Variants in MCM9 observed in about 807,000 individuals in gnomAD.
MCM9 encodes the protein DNA helicase MCM9.
A neutral mutation model predicts 72.8 loss-of-function variants in MCM9; 55 were observed. The observed-to-expected ratio is 0.76, with a 90% confidence interval of 0.61 to 0.95. MCM9 has a LOEUF of 0.95. Ranked by LOEUF, MCM9 falls within the 40% of genes least tolerant of loss-of-function variation. The probability of loss-of-function intolerance (pLI) is 0.00; values close to 1 mark genes in which losing one functional copy is unlikely to be tolerated. For synonymous variants in MCM9, 480 were observed against 503.4 expected, an observed-to-expected ratio of 0.95 and a Z score of 0.62; for missense variants, 1,279 against 1,377.0, an observed-to-expected ratio of 0.93 and a Z score of 1.13.
chr6:118,926,657 G>T (rs959233471), intron 3 of MCM9, among the ~76,000 whole-genome samples: 4 of 151,994 alleles, frequency 2.6e-5, no homozygotes, highest in Non-Finnish European at 4.4e-5. Context: ...TAGATATACC[G>T]TATTTTGTTT....
At chr6:118,894,609 T>A in intron 8 of MCM9, 3 of 1,192,576 alleles carry the variant, frequency 2.5e-6, no homozygotes, top group Non-Finnish European at 2.4e-6. Context: ...GCTGGGCGGC[T>A]GTGTTCGGCG....
chr6:118,915,101 G>A (rs1438815633), intron 6 of MCM9, among the ~76,000 whole-genome samples: 1 of 152,136 alleles, frequency 6.6e-6, no homozygotes, highest in Admixed American at 6.5e-5. Flanking sequence ...CTCACACTGT[G>A]GTCAACACAA....
At chr6:118,848,859 T>A (rs762002454) in intron 9 of MCM9, among the ~76,000 whole-genome samples, 3 of 152,090 alleles carry the variant, frequency 2.0e-5, no homozygotes, top group Non-Finnish European at 4.4e-5. Flanking sequence ...GAGGAGCAGG[T>A]TGCAGTGAGC....
At chr6:118,817,536 C>T (rs955066437) in intron 13 of MCM9, among the ~76,000 whole-genome samples, 2 of 152,106 alleles carry the variant, frequency 1.3e-5, no homozygotes, top group African/African-American at 4.8e-5. Context: ...TCCAGTGTAT[C>T]ATTGATGGGC....
Position 118,856,446 on chromosome 6 carries a change from T to C in MCM9, c.1250A>G (p.Asn417Ser), listed in dbSNP as rs769483924. The change falls in exon 9 of 14, where the codon AAT (asparagine) becomes AGT (serine). Residue 417 changes from asparagine to serine, a missense_variant. Coordinates refer to ENST00000619706, the MANE Select transcript of MCM9 (RefSeq NM_017696.3). ...GGTCCTATCATGCTCTTTGAGGCTA[T>C]TGAACTCATCAATACAGCAAAGGCC... Reference protein sequence around the residue: ...DAGLCCIDEFNSLKEHDRTSI... With the variant: ...DAGLCCIDEFSSLKEHDRTSI... The C allele has an allele frequency of 4.6e-5, 70 of 1,535,708 alleles. No homozygotes were observed. Among genetic ancestry groups the C allele is most frequent in the South Asian group, 1.1e-4 (9 of 84,058 alleles).
chr6:118,928,797 A>G (rs1359337125), intron 3 of MCM9, among the ~76,000 whole-genome samples: 1 of 151,372 alleles, frequency 6.6e-6, no homozygotes, highest in Non-Finnish European at 1.5e-5. Context: ...GACTGCAGTG[A>G]GCTATGATTG....
intron 3 of MCM9, among the ~76,000 whole-genome samples, chr6:118,930,302 C>T (rs553570010): frequency 4.6e-5 from 7 of 151,984 alleles, no homozygotes; most frequent in South Asian, 2.1e-4. Context: ...TTTGTAGAGA[C>T]GGGGTTTCAC....
At chr6:118,848,842 A>T in intron 9 of MCM9, among the ~76,000 whole-genome samples, 1 of 152,114 alleles carries the variant, frequency 6.6e-6, no homozygotes, top group Non-Finnish European at 1.5e-5. Context: ...GAACTGCTTG[A>T]ACCTGGGAGG....
At chr6:118,873,241 GGGAAGGGGAAAGGGAAGGGGA>G in intron 8 of MCM9, among the ~76,000 whole-genome samples, 1 of 140,588 alleles carries the variant, frequency 7.1e-6, no homozygotes, top group Non-Finnish European at 1.6e-5. Flanking sequence ...GAAAGGGAAA[GGGAAGGGGAAAGGGAAGGGGA>G]AAAGAGGAAG....
intron 8 of MCM9, among the ~76,000 whole-genome samples, chr6:118,875,643 T>A (rs1296650252): frequency 2.3e-5 from 2 of 85,360 alleles, no homozygotes; most frequent in South Asian, 1.0e-3. Flanking sequence ...CTCAAAAAAA[T>A]AATAATAATA....
intron 8 of MCM9, among the ~76,000 whole-genome samples, chr6:118,903,688 G>A (rs1440489511): frequency 6.6e-6 from 1 of 152,220 alleles, no homozygotes. Flanking sequence ...TTCAGGATGT[G>A]AGCGAAGGAC....
At chr6:118,834,220 G>A (rs190355629) in intron 9 of MCM9, among the ~76,000 whole-genome samples, 142 of 152,306 alleles carry the variant, frequency 9.3e-4, no homozygotes, top group Non-Finnish European at 1.4e-3. Flanking sequence ...ATAGTATTCC[G>A]TGGTATATAT....
chr6:118,847,705 A>G (rs1157472576), intron 9 of MCM9, among the ~76,000 whole-genome samples: 1 of 151,868 alleles, frequency 6.6e-6, no homozygotes, highest in Non-Finnish European at 1.5e-5. Flanking sequence ...TTCCAGGGAT[A>G]AAAGAATACA....
At chr6:118,931,192 G>C (rs1290952315) in intron 3 of MCM9, among the ~76,000 whole-genome samples, 1 of 152,070 alleles carries the variant, frequency 6.6e-6, no homozygotes, top group Non-Finnish European at 1.5e-5. Flanking sequence ...AGACACACAA[G>C]TATACTGCTG....
chr6:118,849,970 G>A (rs1322547468), intron 9 of MCM9, among the ~76,000 whole-genome samples: 1 of 151,836 alleles, frequency 6.6e-6, no homozygotes, highest in Non-Finnish European at 1.5e-5. Flanking sequence ...GTAGGGATAC[G>A]AATGTGATTT....
At chr6:118,921,744 G>T in intron 5 of MCM9, 1 of 291,468 alleles carries the variant, frequency 3.4e-6, no homozygotes, top group South Asian at 1.0e-4. Flanking sequence ...TTCCAGTTAT[G>T]CCACTTAACT....
intron 6 of MCM9, among the ~76,000 whole-genome samples, chr6:118,916,385 G>GA (rs1157706083): frequency 5.4e-5 from 8 of 147,928 alleles, no homozygotes; most frequent in South Asian, 4.3e-4. Flanking sequence ...AAAGAAAAAA[G>GA]AAAAAATCCC....
In MCM9 at chr6:118,931,624, C is replaced by T; in HGVS notation, c.100G>A (p.Glu34Lys). The change falls in exon 3 of 14, where the codon GAA becomes AAA. Residue 34 changes from glutamate to lysine, a missense_variant. Coordinates refer to ENST00000619706, the MANE Select transcript of MCM9 (RefSeq NM_017696.3). ...ACCACAACTGGGTAATGAGCATCTT[C>T]ATCCCTTTCCTTCAAGATTAGAAGA... ...DILLILKERDEDAHYPVVVNA... is the reference protein window; with the variant it reads ...DILLILKERDKDAHYPVVVNA... 6.2e-7 allele frequency: 1 copy of T among 1,614,094 alleles called. No individual in the cohort carries two copies. The highest frequency in any genetic ancestry group is 1.1e-5 in the South Asian group (1 of 91,080).
intron 13 of MCM9, among the ~76,000 whole-genome samples, chr6:118,818,349 C>T (rs898263058): frequency 7.9e-5 from 12 of 152,180 alleles, no homozygotes; most frequent in African/African-American, 2.9e-4. Context: ...CTGCATATGG[C>T]TAACCAGTTT....
Sources: allele counts gnomAD v4.1 joint callset (sites outside exome capture counted in the v4.1 genomes callset), GRCh38; gene constraint gnomAD v4.1.1; transcripts MANE v1.5; gene names NCBI Gene and HGNC (gene_info 2026-07-23, HGNC 2026-07-21).